The following SLC8A1 variants were observed in gnomAD, a reference collection of about 807,000 sequenced individuals.
The protein encoded by SLC8A1 is solute carrier family 8 member A1.
A neutral mutation model predicts 68.3 loss-of-function variants in SLC8A1; 18 were observed. The ratio of observed to expected loss-of-function variants is 0.26; its 90% CI spans 0.18 to 0.39. The LOEUF is 0.39. Among genes scored for constraint, SLC8A1 ranks in the 10% least tolerant of loss-of-function variants. The pLI, the probability that SLC8A1 is intolerant of heterozygous loss-of-function variation, is 1.00. For missense variants in SLC8A1, 985 were observed against 1,156.7 expected, an observed-to-expected ratio of 0.85 and a Z score of 2.15; for synonymous variants, 475 against 415.5, an observed-to-expected ratio of 1.14 and a Z score of -1.74.
At chr2:40,302,352 T>G (rs1373257312) in intron 2 of SLC8A1, among the ~76,000 whole-genome samples, 1 of 151,518 alleles carries the variant, frequency 6.6e-6, no homozygotes, top group East Asian at 2.0e-4. Context: ...CTGAGTTACT[T>G]CCCTTAGAAT....
chr2:40,227,402 A>C (rs918400052), intron 2 of SLC8A1, among the ~76,000 whole-genome samples: 1 of 151,978 alleles, frequency 6.6e-6, no homozygotes, highest in Non-Finnish European at 1.5e-5. Flanking sequence ...TATGCAAATA[A>C]CCACATCCTT....
intron 2 of SLC8A1, among the ~76,000 whole-genome samples, chr2:40,382,561 T>C (rs1682205731): frequency 6.6e-6 from 1 of 152,144 alleles, no homozygotes; most frequent in South Asian, 2.1e-4. Context: ...TAAAGACTAG[T>C]ATTATTTTCT....
chr2:40,224,619 A>C (rs2148861647), intron 2 of SLC8A1, among the ~76,000 whole-genome samples: 1 of 152,216 alleles, frequency 6.6e-6, no homozygotes, highest in Admixed American at 6.5e-5. Context: ...CCCATCACCC[A>C]CTAGACAAAC....
intron 6 of SLC8A1, among the ~76,000 whole-genome samples, chr2:40,140,588 C>A (rs1282469833): frequency 6.6e-6 from 1 of 152,250 alleles, no homozygotes; most frequent in East Asian, 1.9e-4. Flanking sequence ...GCAAGCTGGG[C>A]TTGAACAAGC....
intron 2 of SLC8A1, among the ~76,000 whole-genome samples, chr2:40,417,149 T>A (rs1334462268): frequency 6.6e-6 from 1 of 152,134 alleles, no homozygotes. Flanking sequence ...GACCAATTGT[T>A]ATTTTTACTT....
intron 2 of SLC8A1, among the ~76,000 whole-genome samples, chr2:40,298,070 C>A (rs990433647): frequency 6.6e-6 from 1 of 151,968 alleles, no homozygotes; most frequent in African/African-American, 2.4e-5. Flanking sequence ...TTAGTAGAGA[C>A]AGAATTTCAC....
Position 40,163,118 on chromosome 2 carries a change from A to G in SLC8A1, c.2061+1736T>C, listed in dbSNP as rs142912764. 6.2e-3 allele frequency among the ~76,000 whole-genome samples: 940 copies of G among 152,322 alleles called. 13 individuals carry two copies. The highest frequency in any genetic ancestry group is 0.021 in the African/African-American group (866 of 41,564). On this transcript the variant is annotated intron_variant, in intron 5 of 7. Coordinates refer to ENST00000406785, the Ensembl canonical transcript of SLC8A1. Reference sequence around the variant, plus strand: ...AATCTATGGAAGCTATCCTACAAAGATAAGTACCCCAAACAACTGGTTTCA... The same window carrying G: ...AATCTATGGAAGCTATCCTACAAAGGTAAGTACCCCAAACAACTGGTTTCA...
intron 2 of SLC8A1, among the ~76,000 whole-genome samples, chr2:40,300,802 AG>A (rs1384434245): frequency 6.6e-6 from 1 of 152,170 alleles, no homozygotes; most frequent in East Asian, 1.9e-4. Flanking sequence ...TTTGCTTTAT[AG>A]GGTATCTTTT....
At chr2:40,221,312 C>T (rs1467581068) in intron 2 of SLC8A1, among the ~76,000 whole-genome samples, 1 of 152,108 alleles carries the variant, frequency 6.6e-6, no homozygotes, top group South Asian at 2.1e-4. Context: ...GCAGAAAAGG[C>T]CTTCAGTAAA....
chr2:40,233,192 T>G (rs1475267927), intron 2 of SLC8A1, among the ~76,000 whole-genome samples: 9 of 152,150 alleles, frequency 5.9e-5, no homozygotes. Context: ...CCACAATGGT[T>G]GAACTAGTTT....
At chr2:40,310,973 C>T (rs1421228032) in intron 2 of SLC8A1, among the ~76,000 whole-genome samples, 1 of 152,014 alleles carries the variant, frequency 6.6e-6, no homozygotes. Flanking sequence ...GTCTAAATAC[C>T]TGGAGTTCCT....
At chr2:40,325,743 C>G (rs1353763441) in intron 2 of SLC8A1, among the ~76,000 whole-genome samples, 1 of 121,118 alleles carries the variant, frequency 8.3e-6, no homozygotes, top group Non-Finnish European at 1.6e-5. Context: ...ACCATGCCGG[C>G]TAACATGGTG....
At chr2:40,327,176 T>C (rs899804713) in intron 2 of SLC8A1, among the ~76,000 whole-genome samples, 17 of 152,198 alleles carry the variant, frequency 1.1e-4, no homozygotes, top group African/African-American at 4.1e-4. Flanking sequence ...CACAAATAAT[T>C]GTATGCCCTG....
intron 2 of SLC8A1, among the ~76,000 whole-genome samples, chr2:40,244,655 G>A (rs1283877655): frequency 1.2e-5 from 1 of 86,114 alleles, no homozygotes; most frequent in Non-Finnish European, 3.0e-5. Context: ...TGCAATGATC[G>A]AGGCCTTTTC....
intron 2 of SLC8A1, among the ~76,000 whole-genome samples, chr2:40,356,997 G>C (rs1469385417): frequency 1.3e-5 from 2 of 152,150 alleles, no homozygotes; most frequent in Non-Finnish European, 2.9e-5. Context: ...AGTATTCAGA[G>C]TATAATTCTA....
intron 2 of SLC8A1, among the ~76,000 whole-genome samples, chr2:40,303,687 T>C (rs2071991956): frequency 6.6e-6 from 1 of 152,156 alleles, no homozygotes; most frequent in Non-Finnish European, 1.5e-5. Context: ...ATGTATAATT[T>C]GCTATAAAAA....
At chr2:40,508,950 T>TA (rs138341547) in intron 1 of SLC8A1, among the ~76,000 whole-genome samples, 1,537 of 152,258 alleles carry the variant, frequency 0.01, 22 homozygotes, top group African/African-American at 0.034. Flanking sequence ...TCACCTACCC[T>TA]ACGTGATTTT....
chr2:40,496,838 A>G (rs1453408219), intron 1 of SLC8A1, among the ~76,000 whole-genome samples: 2 of 148,378 alleles, frequency 1.3e-5, no homozygotes, highest in African/African-American at 2.5e-5. Flanking sequence ...AAAACCAAAC[A>G]CCGCATATTC....
At chr2:40,129,430 C>T (rs1048728214) in intron 7 of SLC8A1, among the ~76,000 whole-genome samples, 1 of 151,768 alleles carries the variant, frequency 6.6e-6, no homozygotes, top group African/African-American at 2.4e-5. Context: ...GACACAGGGT[C>T]TCTCTATGTT....
Sources: allele counts gnomAD v4.1 joint callset (sites outside exome capture counted in the v4.1 genomes callset), GRCh38; gene constraint gnomAD v4.1.1; transcripts MANE v1.5; gene names NCBI Gene and HGNC (gene_info 2026-07-23, HGNC 2026-07-21).